The following DLG4 variants were observed in gnomAD, a reference collection of about 807,000 sequenced individuals.
The protein encoded by DLG4 is disks large homolog 4.
DLG4 carries 7 observed loss-of-function variants against 93.8 expected under a neutral mutation model. The ratio of observed to expected loss-of-function variants is 0.07; its 90% CI spans 0.04 to 0.14. The LOEUF (loss-of-function observed/expected upper bound fraction) is 0.14, where lower values mean the gene tolerates loss of function less well. Among genes scored for constraint, DLG4 ranks in the 10% least tolerant of loss-of-function variants. DLG4 has a pLI of 1.00. For synonymous variants in DLG4, 341 were observed against 387.6 expected (o/e 0.88, Z 1.41); for missense variants, 545 against 992.9 (o/e 0.55, Z 6.06).
chr17:7,212,000 A>G (rs1206173637), intron 1 of DLG4, among the ~76,000 whole-genome samples: 1 of 151,936 alleles, frequency 6.6e-6, no homozygotes, highest in African/African-American at 2.4e-5. Context: ...ACAGACTTAA[A>G]TTTACCAGTT....
chr17:7,217,717 A>T, upstream of DLG4: 1 of 1,534,684 alleles, frequency 6.5e-7, no homozygotes, highest in Non-Finnish European at 8.7e-7. Flanking sequence ...TGCTGGCAGG[A>T]ACCCGGATAA....
At chr17:7,207,160 T>G (rs2070502433) in intron 2 of DLG4, among the ~76,000 whole-genome samples, 1 of 147,932 alleles carries the variant, frequency 6.8e-6, no homozygotes. Flanking sequence ...CCCAAGAGGA[T>G]GAGAGAGGGG....
chr17:7,194,325 T>C lies in DLG4; in HGVS notation c.1472A>G (p.Lys491Arg). The C allele has an allele frequency of 1.2e-6, 2 of 1,605,980 alleles. No individual in the cohort carries two copies. Among genetic ancestry groups the C allele is most frequent in the Non-Finnish European group, 1.7e-6 (2 of 1,176,598 alleles). Residue 491 changes from lysine to arginine, a missense_variant, in exon 12 of 20, where the codon AAA becomes AGA. Around this residue, in one of 5 missense-constraint regions of DLG4, gnomAD observed 428 missense variants for 741.4 expected, o/e 0.58. Transcript: ENST00000399506. This position sits in a 1 kb window ranked among gnomAD's most constrained non-coding sequence, Gnocchi z 4.4. ...CAGAGCCCAGGAGCCTCACCGCCGT[T>C]TGCTGGGGATGAACCCAATGTCGTC... ...ETDDIGFIPS[K>R]RRVERREWSR...
chr17:7,202,063 C>G (rs946341470), intron 8 of DLG4, among the ~76,000 whole-genome samples: 1 of 152,088 alleles, frequency 6.6e-6, no homozygotes, highest in East Asian at 1.9e-4. Context: ...CACCAAATGC[C>G]TTTTTCACGT....
At chr17:7,219,795 C>T (rs2142956925), upstream of DLG4, 2 of 1,521,594 alleles carry the variant, frequency 1.3e-6, no homozygotes, top group East Asian at 2.5e-5. Context: ...TTGGAGATCC[C>T]TCTAAGTCAG....
At chr17:7,218,920 T>C, upstream of DLG4, 1 of 1,561,308 alleles carries the variant, frequency 6.4e-7, no homozygotes, top group Non-Finnish European at 8.8e-7. Context: ...CCCACTAAAT[T>C]CCAGCTGTGA....
Position 7,193,614 on chromosome 17 carries a change from G to A in DLG4, c.1592-30C>T, listed in dbSNP as rs560440999. On this transcript the variant is annotated intron_variant, in intron 15 of 19. Coordinates refer to ENST00000399506, the MANE Select transcript of DLG4 (RefSeq NM_001321075.3). This position sits in a 1 kb window ranked among gnomAD's most constrained non-coding sequence, Gnocchi z 6.7. ...AGAGAGAGCCTGGCTTAGGCCGAGC[G>A]CAGGGTTGGGGGAGCAGCAAGTGCT... The A allele has an allele frequency of 1.4e-5, 21 of 1,526,024 alleles. No individual in the cohort carries two copies. In the East Asian group the frequency reaches 1.6e-4, roughly 12 times the overall value. 94.5% of individuals were successfully genotyped at this position (1,526,024 alleles called of 1,614,324 possible).
At chr17:7,197,684 C>T (rs1296480757) in intron 8 of DLG4, among the ~76,000 whole-genome samples, 1 of 152,026 alleles carries the variant, frequency 6.6e-6, no homozygotes, top group Non-Finnish European at 1.5e-5. Context: ...AGTGTTTCAC[C>T]ATGTTGTCCA....
rs1298882937 is a variant in DLG4, at chr17:7,193,138, C to G, written c.1694-21G>C. On this transcript the variant is annotated intron_variant, in intron 16 of 19. Transcript: ENST00000399506. This position sits in a 1 kb window ranked among gnomAD's most constrained non-coding sequence, Gnocchi z 6.7. ...CGTATCTGCCAGGAAGTCACCCCAC[C>G]CCCCAAAGATCTAACCACCATCCCT... 5.0e-6 allele frequency: 8 copies of G among 1,612,794 alleles called. No individual in the cohort carries two copies. The highest frequency in any genetic ancestry group is 2.2e-5 in the East Asian group (1 of 44,860).
rs750866930 is a variant in DLG4 at position 7,191,325 on chromosome 17, G to A, written c.2010C>T (p.Ala670=). 1.4e-5 allele frequency: 23 copies of A among 1,613,852 alleles called. No homozygotes were observed. In the East Asian group the frequency reaches 2.9e-4, roughly 20 times the overall value. Residue 670 remains alanine (A), a synonymous_variant, in exon 19 of 20, where the codon GCC becomes GCT. Coordinates refer to ENST00000399506, the MANE Select transcript of DLG4 (RefSeq NM_001321075.3). The surrounding 1 kb of genome is among the most constrained non-coding windows in gnomAD (Gnocchi z 6.6). ...EINKRITEEQ[A]RKAFDRATKL... is the part of the protein sequence containing the mutation. ...TGGTGGCTCTGTCGAAGGCTTTGCGGGCTTGCTCCTCTGTGATCCGCTTGT... is the reference window on the plus strand; with the variant it reads ...TGGTGGCTCTGTCGAAGGCTTTGCGAGCTTGCTCCTCTGTGATCCGCTTGT...
chr17:7,193,215 C>A lies in DLG4; in HGVS notation c.1694-98G>T. On this transcript the variant is annotated intron_variant, in intron 16 of 19. Transcript: ENST00000399506. This position sits in a 1 kb window ranked among gnomAD's most constrained non-coding sequence, Gnocchi z 6.7. ...CAAATCCCCATAGTGCCCAGCTGGT[C>A]CTTTGGTGAAAGGGAGCTGCCAGGG... is the stretch of plus-strand genomic sequence containing the variant. The A allele has an allele frequency of 1.3e-6, 2 of 1,528,486 alleles. No homozygotes were observed. Among genetic ancestry groups the A allele is most frequent in the Admixed American group, 3.5e-5 (2 of 57,502 alleles). The allele number at this position is 1,528,486 out of a possible 1,614,324, so 94.7% of individuals were successfully genotyped here. A position where few individuals can be genotyped will look rare whatever the true frequency, so the allele number is the denominator to read the frequency against.
chr17:7,204,087 A>G lies in DLG4; in HGVS notation c.151-20T>C, dbSNP rs2070322318. The stretch of plus-strand genomic sequence containing the variant: ...CAACTCCAGCACGGGACAGAAACAC[A>G]AAAGCAGTGAGACAGACATTCCTGT... On this transcript the variant is annotated intron_variant, in intron 3 of 19. Coordinates refer to ENST00000399506, the MANE Select transcript of DLG4 (RefSeq NM_001321075.3). 1.2e-6 allele frequency: 2 copies of G among 1,605,794 alleles called. No individual in the cohort carries two copies. The highest frequency in any genetic ancestry group is 1.7e-6 in the Non-Finnish European group (2 of 1,176,148).
rs1232370268 is a variant in DLG4, at chr17:7,208,047, TGGGGAGGGGGCCACCA to T, written c.96+111_96+126del. 1 of 1,287,744 alleles carries T rather than the reference TGGGGAGGGGGCCACCA, an allele frequency of 7.8e-7. No individual in the cohort carries two copies. Among genetic ancestry groups the T allele is most frequent in the Non-Finnish European group, 9.9e-7 (1 of 1,010,406 alleles). 79.8% of individuals were successfully genotyped at this position (1,287,744 alleles called of 1,614,324 possible). ...AGCTCCGAGGCTCCGAGGGCCGCAC[TGGGGAGGGGGCCACCA>T]GGGTCTCCTACCTTGAAGGGGGAGA... On this transcript the variant is annotated intron_variant, in intron 2 of 19. Coordinates refer to ENST00000399506, the MANE Select transcript of DLG4 (RefSeq NM_001321075.3). This position sits in a 1 kb window ranked among gnomAD's most constrained non-coding sequence, Gnocchi z 5.4.
intron 1 of DLG4, chr17:7,214,060 G>A: frequency 2.9e-6 from 1 of 347,094 alleles, no homozygotes. Flanking sequence ...TTTCTCTGTT[G>A]CCTGGCAACG....
At position 7,190,722 on chromosome 17, in the gene DLG4, G is replaced by T; in HGVS notation, c.2161C>A (p.Arg721=). 1 of 1,613,640 alleles carries T rather than the reference G, an allele frequency of 6.2e-7. No homozygotes were observed. Among genetic ancestry groups the T allele is most frequent in the Non-Finnish European group, 8.5e-7 (1 of 1,179,640 alleles). ...CAGGGCAGGAATCAGAGTCTCTCTC[G>T]GGCTGGAACCCAGATGTAGGGGCCT... is the stretch of plus-strand genomic sequence containing the variant. The part of the protein sequence containing the change: ...LSGPYIWVPA[R]ERL The change falls in exon 20 of 20, where the codon CGA becomes AGA. Residue 721 remains arginine (R), a synonymous_variant. Coordinates refer to ENST00000399506, the MANE Select transcript of DLG4 (RefSeq NM_001321075.3).
chr17:7,191,577 A>G lies in DLG4; in HGVS notation c.1977-219T>C. On this transcript the variant is annotated intron_variant, in intron 18 of 19. Coordinates refer to ENST00000399506, the MANE Select transcript of DLG4 (RefSeq NM_001321075.3). The surrounding 1 kb of genome is among the most constrained non-coding windows in gnomAD (Gnocchi z 6.6). Reference sequence around the variant, plus strand: ...AGGTGTGGCTACTCCAGGGACATCTACGGAGCTTCATCCTTCCAGCCTTCA... The same window carrying G: ...AGGTGTGGCTACTCCAGGGACATCTGCGGAGCTTCATCCTTCCAGCCTTCA... 1.7e-6 allele frequency: 1 copy of G among 600,122 alleles called. No homozygotes were observed. The highest frequency in any genetic ancestry group is 3.0e-6 in the Non-Finnish European group (1 of 337,872). The allele number at this position is 600,122 out of a possible 1,614,324, so 37.2% of individuals were successfully genotyped here.
rs2142906542 is a variant in DLG4, at chr17:7,208,341, A to G, written c.31-102T>C. 9.1e-7 allele frequency: 1 copy of G among 1,104,552 alleles called. No individual in the cohort carries two copies. Among genetic ancestry groups the G allele is most frequent in the Non-Finnish European group, 1.2e-6 (1 of 844,638 alleles). The allele number at this position is 1,104,552 out of a possible 1,614,324, so 68.4% of individuals were successfully genotyped here. Reference sequence around the variant, plus strand: ...TCTTCCCCCAGCCAGTGCAGTGCGGAAGGCCCTGGGGCCTGACCAGCTCCT... The same window carrying G: ...TCTTCCCCCAGCCAGTGCAGTGCGGGAGGCCCTGGGGCCTGACCAGCTCCT... On this transcript the variant is annotated intron_variant, in intron 1 of 19. Coordinates refer to ENST00000399506, the MANE Select transcript of DLG4 (RefSeq NM_001321075.3). The surrounding 1 kb of genome is among the most constrained non-coding windows in gnomAD (Gnocchi z 5.4).
At position 7,195,172 on chromosome 17, in the gene DLG4, T is replaced by C. The variant is rs2069710031; in HGVS notation, c.1302-677A>G. 6.6e-6 allele frequency among the ~76,000 whole-genome samples: 1 copy of C among 152,074 alleles called. No individual in the cohort carries two copies. Among genetic ancestry groups the C allele is most frequent in the South Asian group, 2.1e-4 (1 of 4,830 alleles). ...TCCAAATAATGGTTACCCTTACCAGTATCAAATTTCTATCAGTAAGTCACA... is the reference window on the plus strand; with the variant it reads ...TCCAAATAATGGTTACCCTTACCAGCATCAAATTTCTATCAGTAAGTCACA... On this transcript the variant is annotated intron_variant, in intron 11 of 19. Transcript: ENST00000399506. This position sits in a 1 kb window ranked among gnomAD's most constrained non-coding sequence, Gnocchi z 4.3.
At chr17:7,207,528 G>A (rs777696183) in intron 2 of DLG4, among the ~76,000 whole-genome samples, 6 of 152,038 alleles carry the variant, frequency 3.9e-5, no homozygotes, top group Non-Finnish European at 8.8e-5. Context: ...CAGAGGCGGA[G>A]GTAGGGGGAG....
Sources: gnomAD v4.1 joint callset for allele counts (sites outside exome capture counted in the v4.1 genomes callset) on GRCh38, gnomAD v4.1.1 for gene constraint, gnomAD v4.1.1 regional missense constraint, Gnocchi (gnomAD v3.1) non-coding constraint, MANE v1.5 for transcripts, NCBI Gene and HGNC (gene_info 2026-07-23, HGNC 2026-07-21) for gene names.